The following PCDH15 variants were observed in gnomAD, a reference collection of about 807,000 sequenced individuals.
PCDH15 encodes protocadherin-15.
A neutral mutation model predicts 178.5 loss-of-function variants in PCDH15; 129 were observed. The ratio of observed to expected loss-of-function variants is 0.72; its 90% CI spans 0.63 to 0.84. The LOEUF is 0.84. Among genes scored for constraint, PCDH15 ranks in the 40% least tolerant of loss-of-function variants. PCDH15 has a pLI of 0.00. For missense variants in PCDH15, 2,230 were observed against 2,099.9 expected (o/e 1.06, Z -1.21); for synonymous variants, 800 against 732.0 (o/e 1.09, Z -1.50).
intron 2 of PCDH15, among the ~76,000 whole-genome samples, chr10:54,897,835 T>C (rs1422882058): frequency 6.6e-6 from 1 of 152,164 alleles, no homozygotes; most frequent in Non-Finnish European, 1.5e-5. Flanking sequence ...TAAGGCATAT[T>C]GTGTTTGGAT....
At chr10:54,035,683 C>T (rs935545637) in intron 18 of PCDH15, among the ~76,000 whole-genome samples, 1 of 151,784 alleles carries the variant, frequency 6.6e-6, no homozygotes, top group Non-Finnish European at 1.5e-5. Flanking sequence ...CAATTAATAA[C>T]CCCACTATGT....
chr10:55,561,997 GCTT>G (rs1842209878), intron 2 of PCDH15, among the ~76,000 whole-genome samples: 1 of 151,868 alleles, frequency 6.6e-6, no homozygotes, highest in Non-Finnish European at 1.5e-5. Context: ...AACTGACAAA[GCTT>G]CTACAGTTGT....
intron 3 of PCDH15, among the ~76,000 whole-genome samples, chr10:54,816,048 T>C (rs947138928): frequency 6.6e-6 from 1 of 152,196 alleles, no homozygotes; most frequent in East Asian, 1.9e-4. Flanking sequence ...TTTGGTGGTG[T>C]AGGTGTTGGC....
intron 8 of PCDH15, among the ~76,000 whole-genome samples, chr10:54,240,385 G>C (rs575273682): frequency 4.0e-5 from 6 of 151,812 alleles, no homozygotes; most frequent in Admixed American, 6.6e-5. Context: ...AAAGGAAACA[G>C]ATAAAAGAAA....
At chr10:54,731,982 T>C (rs1425194348) in intron 1 of PCDH15, among the ~76,000 whole-genome samples, 1 of 151,322 alleles carries the variant, frequency 6.6e-6, no homozygotes, top group Non-Finnish European at 1.5e-5. Flanking sequence ...AAATATTTAA[T>C]GGATATCTCA....
At chr10:55,064,882 G>A (rs538608847) in intron 2 of PCDH15, among the ~76,000 whole-genome samples, 3 of 152,092 alleles carry the variant, frequency 2.0e-5, no homozygotes, top group South Asian at 2.1e-4. Flanking sequence ...AAGCACAAAC[G>A]ATTATTTTTG....
At chr10:54,920,468 CAAAAAAAAAAA>C (rs71014429) in intron 2 of PCDH15, among the ~76,000 whole-genome samples, 1 of 57,790 alleles carries the variant, frequency 1.7e-5, no homozygotes, top group East Asian at 7.8e-4. Context: ...GACTGTGTCT[CAAAAAAAAAAA>C]AAAAAAAAAA....
intron 1 of PCDH15, among the ~76,000 whole-genome samples, chr10:55,184,176 C>A (rs1473112878): frequency 6.6e-6 from 1 of 151,948 alleles, no homozygotes; most frequent in Admixed American, 6.6e-5. Context: ...TTTTATGCAT[C>A]CTCAGCTTGT....
intron 3 of PCDH15, among the ~76,000 whole-genome samples, chr10:54,861,997 T>C (rs7095310): frequency 0.17 from 26,180 of 152,144 alleles, 2,347 homozygotes; most frequent in Middle Eastern, 0.2. Context: ...TGTTAAGTTA[T>C]ATAAATTTCA....
chr10:54,565,165 A>G (rs72792560), intron 2 of PCDH15, among the ~76,000 whole-genome samples: 5 of 152,306 alleles, frequency 3.3e-5, no homozygotes, highest in African/African-American at 4.8e-5. Context: ...TGTTCCTACA[A>G]GGAGAAAATG....
At chr10:54,988,107 T>A (rs1314692946) in intron 2 of PCDH15, among the ~76,000 whole-genome samples, 1 of 152,174 alleles carries the variant, frequency 6.6e-6, no homozygotes, top group Non-Finnish European at 1.5e-5. Context: ...CAGCACCATT[T>A]ACTGAATAGG....
intron 1 of PCDH15, among the ~76,000 whole-genome samples, chr10:54,686,630 T>C (rs530776998): frequency 1.8e-3 from 269 of 152,322 alleles, no homozygotes; most frequent in Middle Eastern, 3.4e-3. Flanking sequence ...TTTTATATTC[T>C]TATCTATTTT....
chr10:54,870,808 AT>A (rs1954024611), intron 3 of PCDH15, among the ~76,000 whole-genome samples: 1 of 9,904 alleles, frequency 1.0e-4, no homozygotes, highest in Non-Finnish European at 2.5e-3. Context: ...AAATAAAAAA[AT>A]AAAAAAAAAA....
At chr10:55,624,839 A>T (rs1157587998) in intron 2 of PCDH15, among the ~76,000 whole-genome samples, 3 of 152,128 alleles carry the variant, frequency 2.0e-5, no homozygotes, top group Non-Finnish European at 2.9e-5. Context: ...TCAGAACGTG[A>T]TCAATCATCT....
At chr10:54,035,583 T>G (rs1428800714) in intron 18 of PCDH15, among the ~76,000 whole-genome samples, 1 of 151,932 alleles carries the variant, frequency 6.6e-6, no homozygotes, top group Non-Finnish European at 1.5e-5. Flanking sequence ...GTATGTGTTC[T>G]GATTTCTCCA....
chr10:54,238,688 C>T (rs1397186500), intron 8 of PCDH15, among the ~76,000 whole-genome samples: 2 of 148,982 alleles, frequency 1.3e-5, no homozygotes, highest in Non-Finnish European at 3.0e-5. Context: ...CACACACACA[C>T]ACACACACAC....
intron 16 of PCDH15, among the ~76,000 whole-genome samples, chr10:54,088,417 T>G (rs1280050007): frequency 6.6e-6 from 1 of 152,188 alleles, no homozygotes; most frequent in Non-Finnish European, 1.5e-5. Context: ...TTCTCTTTAT[T>G]AAGTTGTAAC....
chr10:54,781,935 T>G (rs1436127576), intron 1 of PCDH15, among the ~76,000 whole-genome samples: 1 of 152,180 alleles, frequency 6.6e-6, no homozygotes, highest in Non-Finnish European at 1.5e-5. Flanking sequence ...TGTATTATGC[T>G]TTTTCAAGTA....
At chr10:54,159,786 A>G (rs571901693) in intron 13 of PCDH15, among the ~76,000 whole-genome samples, 12 of 152,204 alleles carry the variant, frequency 7.9e-5, no homozygotes, top group Non-Finnish European at 1.8e-4. Flanking sequence ...CTCAATAAGT[A>G]AAAAAATACA....
Sources: allele counts gnomAD v4.1 joint callset (sites outside exome capture counted in the v4.1 genomes callset), GRCh38; gene constraint gnomAD v4.1.1; transcripts MANE v1.5; gene names NCBI Gene and HGNC (gene_info 2026-07-23, HGNC 2026-07-21).